The following FBXL17 variants were observed in gnomAD, a reference collection of about 807,000 sequenced individuals.
FBXL17 encodes F-box and leucine rich repeat protein 17.
A neutral mutation model predicts 66.2 loss-of-function variants in FBXL17; 22 were observed. The ratio of observed to expected loss-of-function variants is 0.33; its 90% CI spans 0.24 to 0.47. The LOEUF (loss-of-function observed/expected upper bound fraction) is 0.47. Ranked by LOEUF, FBXL17 falls within the 20% of genes least tolerant of loss-of-function variation. The pLI is 1.00. For missense variants in FBXL17, 878 were observed against 948.2 expected, an observed-to-expected ratio of 0.93 and a Z score of 0.97; for synonymous variants, 474 against 400.5, an observed-to-expected ratio of 1.18 and a Z score of -2.19.
chr5:107,884,332 G>C (rs577831184), intron 7 of FBXL17, among the ~76,000 whole-genome samples: 1 of 152,094 alleles, frequency 6.6e-6, no homozygotes, highest in African/African-American at 2.4e-5. Flanking sequence ...CCATTTCAGA[G>C]GTAAGAAAAC....
chr5:108,125,297 C>T (rs1207165288), intron 6 of FBXL17, among the ~76,000 whole-genome samples: 1 of 151,776 alleles, frequency 6.6e-6, no homozygotes, highest in Admixed American at 6.6e-5. Context: ...CTACTATGTA[C>T]CTGTAAAAAT....
At chr5:107,958,140 A>G (rs970461275) in intron 7 of FBXL17, among the ~76,000 whole-genome samples, 15 of 131,730 alleles carry the variant, frequency 1.1e-4, no homozygotes, top group African/African-American at 2.9e-4. Context: ...GAGTAGCTTG[A>G]AAAAAAAAAA....
At chr5:108,014,929 C>T (rs997125538) in intron 7 of FBXL17, among the ~76,000 whole-genome samples, 2 of 152,066 alleles carry the variant, frequency 1.3e-5, no homozygotes, top group Non-Finnish European at 2.9e-5. Context: ...CTTATAAAAC[C>T]ATCAGATCTC....
At chr5:107,923,322 C>T (rs1335940835) in intron 7 of FBXL17, among the ~76,000 whole-genome samples, 3 of 152,292 alleles carry the variant, frequency 2.0e-5, no homozygotes, top group Non-Finnish European at 2.9e-5. Context: ...GTCCTTTCCT[C>T]TGGTGGCCTG....
At chr5:107,862,502 C>T (rs1420896838) in intron 8 of FBXL17, among the ~76,000 whole-genome samples, 1 of 152,164 alleles carries the variant, frequency 6.6e-6, no homozygotes, top group Non-Finnish European at 1.5e-5. Flanking sequence ...TTAAAACTAA[C>T]ACCTTTACAA....
At chr5:107,980,403 T>A (rs991106303) in intron 7 of FBXL17, among the ~76,000 whole-genome samples, 6 of 76,058 alleles carry the variant, frequency 7.9e-5, no homozygotes, top group East Asian at 7.9e-4. Context: ...TACTTAATAT[T>A]TTTTTTTTTC....
At chr5:108,270,873 A>T (rs551132941) in intron 4 of FBXL17, among the ~76,000 whole-genome samples, 5 of 152,026 alleles carry the variant, frequency 3.3e-5, no homozygotes, top group Non-Finnish European at 7.4e-5. Context: ...AGGGGGGAAA[A>T]CCACATACAC....
intron 6 of FBXL17, among the ~76,000 whole-genome samples, chr5:108,176,810 TG>T (rs1752809793): frequency 6.6e-6 from 1 of 152,112 alleles, no homozygotes; most frequent in African/African-American, 2.4e-5. Flanking sequence ...ACCAAACAAC[TG>T]AAAAAGTTTA....
chr5:108,365,089 T>C (rs1748576755), intron 2 of FBXL17, 94 bp from the exon 3 acceptor site: 2 of 827,430 alleles, frequency 2.4e-6, no homozygotes, highest in South Asian at 1.9e-5. Flanking sequence ...AACAATATAC[T>C]AATTAGATTA....
chr5:108,198,176 C>T (rs899771541), intron 5 of FBXL17, among the ~76,000 whole-genome samples: 6 of 152,054 alleles, frequency 3.9e-5, no homozygotes, highest in African/African-American at 9.7e-5. Context: ...ACTGCATAGA[C>T]CTAGAACACT....
At chr5:107,884,953 T>A (rs148826359) in intron 7 of FBXL17, among the ~76,000 whole-genome samples, 2 of 152,318 alleles carry the variant, frequency 1.3e-5, no homozygotes, top group African/African-American at 4.8e-5. Context: ...TAAAAAACTC[T>A]GGGCAAATGA....
chr5:108,055,594 G>A (rs1747672939), intron 6 of FBXL17, among the ~76,000 whole-genome samples: 1 of 121,654 alleles, frequency 8.2e-6, no homozygotes, highest in Non-Finnish European at 1.6e-5. Flanking sequence ...GGGCGACACA[G>A]CGAGACTCTG....
At chr5:108,288,496 C>T (rs895043561) in intron 4 of FBXL17, among the ~76,000 whole-genome samples, 3 of 149,514 alleles carry the variant, frequency 2.0e-5, no homozygotes, top group African/African-American at 4.9e-5. Flanking sequence ...TTGTAAACAA[C>T]CACAAGTTAC....
intron 4 of FBXL17, among the ~76,000 whole-genome samples, chr5:108,291,033 C>G (rs1179215445): frequency 6.6e-6 from 1 of 152,046 alleles, no homozygotes; most frequent in African/African-American, 2.4e-5. Context: ...AATTAAAGAA[C>G]AGATTTAAAT....
intron 6 of FBXL17, among the ~76,000 whole-genome samples, chr5:108,134,740 G>A (rs1413867759): frequency 6.6e-6 from 1 of 152,098 alleles, no homozygotes; most frequent in East Asian, 1.9e-4. Flanking sequence ...TGATGTATCC[G>A]CTGGTTTCCA....
intron 6 of FBXL17, among the ~76,000 whole-genome samples, chr5:108,166,059 T>C (rs10057738): frequency 1.6e-3 from 251 of 152,334 alleles, no homozygotes; most frequent in Middle Eastern, 6.8e-3. Context: ...AGTTCCCTTA[T>C]AACATTTCAC....
chr5:108,330,704 T>A (rs1760080197), intron 4 of FBXL17, among the ~76,000 whole-genome samples: 1 of 151,964 alleles, frequency 6.6e-6, no homozygotes, highest in South Asian at 2.1e-4. Flanking sequence ...CACATACACA[T>A]CATCATCACA....
At chr5:107,865,750 G>A (rs1292093259) in intron 8 of FBXL17, among the ~76,000 whole-genome samples, 1 of 152,172 alleles carries the variant, frequency 6.6e-6, no homozygotes, top group Non-Finnish European at 1.5e-5. Flanking sequence ...TTATTCAGGG[G>A]AAATTCATGG....
At position 107,900,467 on chromosome 5, in the gene FBXL17, GT is replaced by G. The variant is rs201156001; in HGVS notation, c.1823-19289del. ...GTTTAAGAAATGCAATTTATCCTTG[GT>G]GATAATAGCTTTGAAGGTTAAAAGG... On this transcript the variant is annotated intron_variant, in intron 7 of 8. Transcript: ENST00000542267. Among the ~76,000 whole-genome samples, 99 of 152,124 alleles carry G rather than the reference GT, an allele frequency of 6.5e-4. 1 individual carries two copies. The East Asian group carries it at 0.011, about 17-fold the overall frequency.
Sources: gnomAD v4.1 joint callset for allele counts (sites outside exome capture counted in the v4.1 genomes callset) on GRCh38, gnomAD v4.1.1 for gene constraint, MANE v1.5 for transcripts, NCBI Gene and HGNC (gene_info 2026-07-23, HGNC 2026-07-21) for gene names.